WASF3: variants seen among roughly 807,000 people sequenced by gnomAD.
WASF3 encodes the protein actin-binding protein WASF3.
WASF3 carries 11 observed loss-of-function variants against 46.6 expected under a neutral mutation model. That is an observed-to-expected ratio of 0.24 (90% CI 0.15 to 0.39). The LOEUF (loss-of-function observed/expected upper bound fraction) is 0.39. WASF3 is among the 10% of genes least tolerant of loss of function. The probability of loss-of-function intolerance (pLI) is 1.00; values close to 1 mark genes in which losing one functional copy is unlikely to be tolerated. For missense variants in WASF3, 576 were observed against 669.8 expected, an observed-to-expected ratio of 0.86 and a Z score of 1.55; for synonymous variants, 242 against 259.7, an observed-to-expected ratio of 0.93 and a Z score of 0.65.
At chr13:26,552,352 A>G in the WASF3 span, among the ~76,000 whole-genome samples, 1 of 152,238 alleles carries the variant, frequency 6.6e-6, no homozygotes, top group Non-Finnish European at 1.5e-5. Context: ...TCACCTCAAA[A>G]TAAAGTTAAT....
chr13:26,559,808 CTTTT>C (rs770616922), intron 1 of WASF3, among the ~76,000 whole-genome samples: 293 of 73,332 alleles, frequency 4.0e-3, no homozygotes, highest in African/African-American at 0.015. Flanking sequence ...TTCTTTCTTT[CTTTT>C]TTTTTTTTTT....
At position 26,678,711 on chromosome 13, in the gene WASF3, T is replaced by C. The variant is rs772411064; in HGVS notation, c.716+1987T>C. Among the ~76,000 whole-genome samples, 10 of 152,330 alleles carry C rather than the reference T, an allele frequency of 6.6e-5. 1 individual carries two copies. The Middle Eastern group carries it at 0.014, about 207-fold the overall frequency. On this transcript the variant is annotated intron_variant, in intron 7 of 9. Coordinates refer to ENST00000335327, the MANE Select transcript of WASF3 (RefSeq NM_006646.6). ...CTTGTTCCTGAGAATAAATTTAAGA[T>C]GAGCGCTGGGAAGTGCTTGCCTGCT...
At chr13:26,582,800 C>T (rs1336588921) in intron 1 of WASF3, among the ~76,000 whole-genome samples, 2 of 148,472 alleles carry the variant, frequency 1.3e-5, no homozygotes, top group African/African-American at 5.0e-5. Flanking sequence ...TTCCCAGTAA[C>T]TGGCAGAGTA....
intron 2 of WASF3, among the ~76,000 whole-genome samples, chr13:26,639,467 G>A (rs182578015): frequency 6.6e-6 from 1 of 152,232 alleles, no homozygotes; most frequent in East Asian, 1.9e-4. Flanking sequence ...GGCTGTTCAG[G>A]GCATTGTGGG....
chr13:26,602,407 G>A (rs760507487), intron 1 of WASF3, among the ~76,000 whole-genome samples: 4 of 151,978 alleles, frequency 2.6e-5, no homozygotes, highest in Admixed American at 6.6e-5. Context: ...GTTTTTGTTC[G>A]TTTGTATCTT....
intron 1 of WASF3, among the ~76,000 whole-genome samples, chr13:26,562,860 T>TCCCCTCCCCTCCCCTCCCCA (rs1879339053): frequency 3.6e-5 from 1 of 27,574 alleles, no homozygotes. Flanking sequence ...TCCCCTCTCC[T>TCCCCTCCCCTCCCCTCCCCA]CCCCTCCTCC....
intron 1 of WASF3, among the ~76,000 whole-genome samples, chr13:26,608,045 C>T (rs1326643811): frequency 6.8e-6 from 1 of 147,868 alleles, no homozygotes; most frequent in Non-Finnish European, 1.5e-5. Context: ...CTCCCCACCC[C>T]CCCGTCCCCC....
chr13:26,636,805 G>T (rs1181830466), intron 2 of WASF3, among the ~76,000 whole-genome samples: 1 of 152,182 alleles, frequency 6.6e-6, no homozygotes, highest in Non-Finnish European at 1.5e-5. Context: ...GCAGTCTGTA[G>T]ACCAGAGCCA....
At chr13:26,597,643 G>A (rs1425724466) in intron 1 of WASF3, among the ~76,000 whole-genome samples, 2 of 152,172 alleles carry the variant, frequency 1.3e-5, no homozygotes, top group African/African-American at 4.8e-5. Context: ...AGGCCCCGGT[G>A]TGTGATGTTC....
rs1883258766 is a variant in WASF3 at position 26,682,441 on chromosome 13, G to A, written c.984-166G>A. On this transcript the variant is annotated intron_variant, in intron 8 of 9. Transcript: ENST00000335327. This position sits in a 1 kb window ranked among gnomAD's most constrained non-coding sequence, Gnocchi z 4.4. The stretch of plus-strand genomic sequence containing the variant: ...CTGTCATAATGAATAATGTCAAACT[G>A]TGAAAATAACTGACCCAAGGTGTGC... 6.6e-6 allele frequency among the ~76,000 whole-genome samples: 1 copy of A among 152,198 alleles called. No homozygotes were observed. Among genetic ancestry groups the A allele is most frequent in the Non-Finnish European group, 1.5e-5 (1 of 68,042 alleles).
At chr13:26,549,332 C>T in the WASF3 span, among the ~76,000 whole-genome samples, 1 of 152,268 alleles carries the variant, frequency 6.6e-6, no homozygotes, top group East Asian at 1.9e-4. Context: ...GACTACCTGC[C>T]TGGGTTTGCC....
chr13:26,649,960 A>C (rs377551680), intron 3 of WASF3, among the ~76,000 whole-genome samples: 1 of 152,006 alleles, frequency 6.6e-6, no homozygotes, highest in African/African-American at 2.4e-5. Context: ...AATCCCAGCT[A>C]CTCGGGGGGA....
At chr13:26,554,096 C>CTTCTTTCTTTTTCTTTCTTTCTTTCT (rs1879039523), upstream of WASF3, among the ~76,000 whole-genome samples, 7 of 7,374 alleles carry the variant, frequency 9.5e-4, no homozygotes, top group Non-Finnish European at 1.8e-3. Context: ...TCCTTCCTTC[C>CTTCTTTCTTTTTCTTTCTTTCTTTCT]TTCTTTCTTT....
intron 2 of WASF3, chr13:26,626,088 A>C (rs569493166): frequency 6.6e-6 from 1 of 152,220 alleles, no homozygotes; most frequent in African/African-American, 2.4e-5. Context: ...ATTCAGGACC[A>C]TTGCAGAAGG....
chr13:26,554,143 C>CTTTCTTTCTTTA (rs1879045478), upstream of WASF3, among the ~76,000 whole-genome samples: 1 of 140,566 alleles, frequency 7.1e-6, no homozygotes, highest in African/African-American at 2.7e-5. Context: ...TTCTTTCTTT[C>CTTTCTTTCTTTA]TTTGACAGAG....
At chr13:26,604,005 A>G (rs1880720190) in intron 1 of WASF3, among the ~76,000 whole-genome samples, 2 of 152,324 alleles carry the variant, frequency 1.3e-5, no homozygotes, top group Admixed American at 6.5e-5. Flanking sequence ...GGGGTGATCT[A>G]GCTAGGTTGG....
chr13:26,632,722 G>A (rs1016670199), intron 2 of WASF3, among the ~76,000 whole-genome samples: 10 of 152,280 alleles, frequency 6.6e-5, no homozygotes, highest in South Asian at 2.1e-4. Context: ...TTTTTCTGTC[G>A]ATTGGAATCG....
intron 2 of WASF3, among the ~76,000 whole-genome samples, chr13:26,633,445 CTG>C (rs1881720732): frequency 2.6e-5 from 4 of 152,044 alleles, no homozygotes; most frequent in Non-Finnish European, 5.9e-5. Context: ...CTCAGGTGAT[CTG>C]CCCACCTCGG....
At chr13:26,614,703 A>G (rs1881079285) in intron 2 of WASF3, among the ~76,000 whole-genome samples, 2 of 152,134 alleles carry the variant, frequency 1.3e-5, no homozygotes, top group African/African-American at 4.8e-5. Flanking sequence ...TTATTTTTTA[A>G]CACGGATACT....
Sources: gnomAD v4.1 joint callset for allele counts (sites outside exome capture counted in the v4.1 genomes callset) on GRCh38, gnomAD v4.1.1 for gene constraint, Gnocchi (gnomAD v3.1) non-coding constraint, MANE v1.5 for transcripts, NCBI Gene and HGNC (gene_info 2026-07-23, HGNC 2026-07-21) for gene names.